DNM2: variants seen among roughly 807,000 people sequenced by gnomAD.
The protein encoded by DNM2 is dynamin 2.
Under a neutral mutation model 99.0 loss-of-function variants are expected in DNM2, and 15 were observed. The ratio of observed to expected loss-of-function variants is 0.15; its 90% CI spans 0.10 to 0.23. The LOEUF (loss-of-function observed/expected upper bound fraction) is 0.23, where lower values mean the gene tolerates loss of function less well. DNM2 is among the 10% of genes least tolerant of loss of function. DNM2 has a pLI of 1.00. For missense variants in DNM2, 742 were observed against 1,189.4 expected, an observed-to-expected ratio of 0.62 and a Z score of 5.53; for synonymous variants, 525 against 481.2, an observed-to-expected ratio of 1.09 and a Z score of -1.19.
At chr19:10,721,705 A>G (rs1181701882) in intron 1 of DNM2, among the ~76,000 whole-genome samples, 1 of 152,060 alleles carries the variant, frequency 6.6e-6, no homozygotes, top group East Asian at 1.9e-4. Context: ...CATTGCGCCG[A>G]GCCTGGATTT....
At position 10,817,269 on chromosome 19, in the gene DNM2, G is replaced by T. The variant is rs566642922; in HGVS notation, c.1672-2711G>T. 6.6e-6 allele frequency among the ~76,000 whole-genome samples: 1 copy of T among 152,294 alleles called. No homozygotes were observed. Among genetic ancestry groups the T allele is most frequent in the East Asian group, 1.9e-4 (1 of 5,184 alleles). ...CTCCAACCCCTCGGCCGGCCTCGGG[G>T]CTCCCTCTGCCTTTCCCCAGTGCCT... On this transcript the variant is annotated intron_variant, in intron 15 of 20. Transcript: ENST00000389253. This position sits in a 1 kb window ranked among gnomAD's most constrained non-coding sequence, Gnocchi z 4.6.
intron 2 of DNM2, among the ~76,000 whole-genome samples, chr19:10,771,288 G>A (rs895236662): frequency 6.6e-6 from 1 of 152,158 alleles, no homozygotes; most frequent in African/African-American, 2.4e-5. Flanking sequence ...TCTGTGATTC[G>A]GGACTGGATT....
At chr19:10,798,346 G>A in intron 10 of DNM2, 140 bp from the exon 11 acceptor site, 1 of 691,296 alleles carries the variant, frequency 1.4e-6, no homozygotes, top group Non-Finnish European at 2.6e-6. Flanking sequence ...CTCACTGGGG[G>A]CCAGGAGCAA....
At chr19:10,813,340 A>C (rs1423578831) in intron 15 of DNM2, among the ~76,000 whole-genome samples, 1 of 152,248 alleles carries the variant, frequency 6.6e-6, no homozygotes, top group Non-Finnish European at 1.5e-5. Context: ...ATGCTGACCC[A>C]GCATCCCTCC....
Position 10,829,030 on chromosome 19 carries a change from C to A in DNM2, c.2059-6C>A. ...AAGCCTGACCCTCCCCAACCCCTGC[C>A]CGCAGACGAAGGCCTTCATCCACCA... On this transcript the variant is annotated splice_region_variant and splice_polypyrimidine_tract_variant and intron_variant, in intron 18 of 20. Transcript: ENST00000389253. 1.9e-6 allele frequency: 3 copies of A among 1,611,912 alleles called. No individual in the cohort carries two copies. The highest frequency in any genetic ancestry group is 2.5e-6 in the Non-Finnish European group (3 of 1,179,194).
At chr19:10,768,221 AG>A (rs2070862445) in intron 2 of DNM2, among the ~76,000 whole-genome samples, 1 of 152,158 alleles carries the variant, frequency 6.6e-6, no homozygotes, top group Non-Finnish European at 1.5e-5. Context: ...TGGGAGGCCG[AG>A]GCGGGTAGAT....
At chr19:10,822,439 T>G (rs1394697830) in intron 16 of DNM2, among the ~76,000 whole-genome samples, 1 of 151,728 alleles carries the variant, frequency 6.6e-6, no homozygotes, top group Non-Finnish European at 1.5e-5. Flanking sequence ...AATCCCCCTG[T>G]CTCAGCCTCC....
intron 1 of DNM2, among the ~76,000 whole-genome samples, chr19:10,757,042 G>T (rs1420032809): frequency 6.6e-6 from 1 of 152,098 alleles, no homozygotes; most frequent in Non-Finnish European, 1.5e-5. Context: ...ATCCCAGCTG[G>T]TGGCATTGCT....
Position 10,793,728 on chromosome 19 carries a change from A to G in DNM2, c.1001A>G (p.Gln334Arg). 1 of 1,614,152 alleles carries G rather than the reference A, an allele frequency of 6.2e-7. No homozygotes were observed. The highest frequency in any genetic ancestry group is 2.2e-5 in the East Asian group (1 of 44,892). Residue 334 changes from glutamine (Q) to arginine (R), a missense_variant, in exon 8 of 21, where the codon CAG becomes CGG. Around this residue, in one of 7 missense-constraint regions of DNM2, gnomAD observed 14 missense variants for 31.7 expected, o/e 0.44. Transcript: ENST00000389253. ...RKTKALLQMV[Q>R]QFGVDFEKRI... The stretch of plus-strand genomic sequence containing the variant: ...TTTCCTTTTCCTCATAGGATGGTCC[A>G]GCAGTTTGGGGTGGATTTTGAGAAG...
intron 2 of DNM2, 118 bp downstream of exon 2, chr19:10,759,929 C>A: frequency 1.5e-6 from 2 of 1,372,858 alleles, no homozygotes; most frequent in South Asian, 1.2e-5. Flanking sequence ...ATTGAATTCA[C>A]GTGTTCCACA....
intron 11 of DNM2, among the ~76,000 whole-genome samples, chr19:10,801,925 C>T (rs995339304): frequency 6.9e-6 from 1 of 144,276 alleles, no homozygotes; most frequent in Non-Finnish European, 1.5e-5. Flanking sequence ...AAAAAAAAAA[C>T]AAAAAAAACA....
intron 1 of DNM2, among the ~76,000 whole-genome samples, chr19:10,755,806 T>C (rs369574696): frequency 7.2e-5 from 11 of 152,010 alleles, no homozygotes; most frequent in African/African-American, 2.7e-4. Context: ...TGGGATTACA[T>C]GCTTGCGCCC....
intron 3 of DNM2, among the ~76,000 whole-genome samples, chr19:10,773,334 A>T (rs896923408): frequency 4.0e-5 from 6 of 151,626 alleles, no homozygotes; most frequent in African/African-American, 1.5e-4. Context: ...TTTTTAGTAG[A>T]GATGGGATTT....
At chr19:10,794,000 G>A (rs77618948) in intron 8 of DNM2, 145 bp downstream of exon 8, 1 of 1,352,428 alleles carries the variant, frequency 7.4e-7, no homozygotes, top group Non-Finnish European at 1.0e-6. Context: ...GCCTGGATGA[G>A]GTGTCCCCAT....
chr19:10,719,111 C>T (rs2068851922), intron 1 of DNM2, among the ~76,000 whole-genome samples: 1 of 152,176 alleles, frequency 6.6e-6, no homozygotes, highest in African/African-American at 2.4e-5. Flanking sequence ...ACTCTTACAG[C>T]TTGATTCCTG....
chr19:10,815,845 T>C (rs3786717), intron 15 of DNM2, among the ~76,000 whole-genome samples: 88,800 of 152,078 alleles, frequency 0.58, 29,289 homozygotes, highest in African/African-American at 0.9. Flanking sequence ...AGCCCCAGGA[T>C]AGGCAGGACT....
At chr19:10,786,158 G>C (rs2071550714) in intron 6 of DNM2, among the ~76,000 whole-genome samples, 1 of 152,186 alleles carries the variant, frequency 6.6e-6, no homozygotes, top group Admixed American at 6.5e-5. Flanking sequence ...TGCAGCCGGG[G>C]AGCTCATCTT....
intron 11 of DNM2, among the ~76,000 whole-genome samples, chr19:10,799,872 A>G (rs959323525): frequency 1.2e-4 from 18 of 150,562 alleles, no homozygotes; most frequent in African/African-American, 4.2e-4. Context: ...TTTCTTGCAA[A>G]GGCATGCAAG....
At chr19:10,824,225 C>CGGT in intron 17 of DNM2, 1 of 369,790 alleles carries the variant, frequency 2.7e-6, no homozygotes, top group South Asian at 2.3e-5. Context: ...TTGCCGGGCA[C>CGGT]GGTGGGTGGT....
Sources: gnomAD v4.1 joint callset for allele counts (sites outside exome capture counted in the v4.1 genomes callset) on GRCh38, gnomAD v4.1.1 for gene constraint, gnomAD v4.1.1 regional missense constraint, Gnocchi (gnomAD v3.1) non-coding constraint, MANE v1.5 for transcripts, NCBI Gene and HGNC (gene_info 2026-07-23, HGNC 2026-07-21) for gene names.